Variants in KAZN observed in about 807,000 individuals in gnomAD.
KAZN encodes the protein kazrin.
KAZN carries 40 observed loss-of-function variants against 87.4 expected under a neutral mutation model. The ratio of observed to expected loss-of-function variants is 0.46; its 90% CI spans 0.36 to 0.60. The LOEUF is 0.60. KAZN is among the 20% of genes least tolerant of loss of function. KAZN has a pLI of 0.00. For missense variants in KAZN, 898 were observed against 1,073.9 expected (o/e 0.84, Z 2.29); for synonymous variants, 466 against 458.3 (o/e 1.02, Z -0.22).
chr1:14,009,158 C>T (rs1640169007), intron 1 of KAZN, among the ~76,000 whole-genome samples: 1 of 152,222 alleles, frequency 6.6e-6, no homozygotes, highest in Non-Finnish European at 1.5e-5. Context: ...CTTTCTAAGG[C>T]TGAATAATAT....
At chr1:14,679,581 G>T (rs1345849898) in intron 1 of KAZN, among the ~76,000 whole-genome samples, 1 of 152,112 alleles carries the variant, frequency 6.6e-6, no homozygotes, top group Admixed American at 6.6e-5. Context: ...GGTCTGAAAG[G>T]CACCAAGATG....
chr1:14,754,487 G>C (rs1291125089), intron 1 of KAZN, among the ~76,000 whole-genome samples: 1 of 152,070 alleles, frequency 6.6e-6, no homozygotes, highest in East Asian at 1.9e-4. Flanking sequence ...ACAAAAATTA[G>C]CCAGGCATGG....
chr1:14,125,915 G>A (rs1644854622), intron 1 of KAZN, among the ~76,000 whole-genome samples: 1 of 142,496 alleles, frequency 7.0e-6, no homozygotes, highest in African/African-American at 2.6e-5. Flanking sequence ...GGGAAGGCAG[G>A]TGTAACTGCA....
At chr1:14,463,018 CA>C (rs1667937056) in intron 2 of KAZN, among the ~76,000 whole-genome samples, 1 of 152,148 alleles carries the variant, frequency 6.6e-6, no homozygotes, top group South Asian at 2.1e-4. Flanking sequence ...AACTCATAGG[CA>C]GTGGGCCCAG....
At chr1:14,466,814 A>G (rs1291851762) in intron 2 of KAZN, among the ~76,000 whole-genome samples, 1 of 131,532 alleles carries the variant, frequency 7.6e-6, no homozygotes, top group Non-Finnish European at 1.7e-5. Context: ...TAAAAATACA[A>G]AAAAATTAGC....
intron 1 of KAZN, among the ~76,000 whole-genome samples, chr1:14,060,994 G>C (rs766919129): frequency 1.3e-5 from 2 of 152,214 alleles, no homozygotes; most frequent in Admixed American, 6.5e-5. Flanking sequence ...CACCAGCAGC[G>C]TGGCCTTTGA....
At chr1:14,099,112 G>T (rs1004419429) in intron 1 of KAZN, among the ~76,000 whole-genome samples, 6 of 152,114 alleles carry the variant, frequency 3.9e-5, no homozygotes, top group African/African-American at 1.4e-4. Context: ...TGCCAGGAAA[G>T]GTGGCATGAA....
chr1:14,976,111 C>T lies in KAZN; in HGVS notation c.418+15236C>T, dbSNP rs150069635. ...GCGGTGAGCCCGCACACTGCACAGC[C>T]GCACACTGCGAGCCTGTTGCTGTTG... On this transcript the variant is annotated intron_variant, in intron 2 of 14. Coordinates refer to ENST00000376030, the MANE Select transcript of KAZN (RefSeq NM_201628.3). Among the ~76,000 whole-genome samples the T allele has an allele frequency of 3.1e-3, 474 of 151,076 alleles. 1 individual carries two copies. The highest frequency in any genetic ancestry group is 0.011 in the African/African-American group (443 of 40,954).
chr1:14,718,547 G>A (rs1642926783), intron 1 of KAZN, among the ~76,000 whole-genome samples: 1 of 152,230 alleles, frequency 6.6e-6, no homozygotes, highest in African/African-American at 2.4e-5. Context: ...TCTGAATTAT[G>A]TGTGATTCTC....
chr1:14,886,459 CACACAG>C (rs1557589663), intron 1 of KAZN, among the ~76,000 whole-genome samples: 4 of 151,158 alleles, frequency 2.6e-5, no homozygotes, highest in African/African-American at 7.4e-5. Flanking sequence ...CACACACACA[CACACAG>C]AGAGAGACAG....
chr1:14,347,726 T>G (rs1658209496), intron 2 of KAZN, among the ~76,000 whole-genome samples: 1 of 152,078 alleles, frequency 6.6e-6, no homozygotes, highest in African/African-American at 2.4e-5. Flanking sequence ...ATACCTAGAC[T>G]ATGTAAAGGG....
At chr1:14,847,304 A>G (rs1051227749) in intron 1 of KAZN, among the ~76,000 whole-genome samples, 5 of 152,330 alleles carry the variant, frequency 3.3e-5, no homozygotes, top group Admixed American at 3.3e-4. Context: ...CCACAAGCTC[A>G]GGGGCGACAG....
chr1:14,435,146 G>A (rs764526761), intron 2 of KAZN, among the ~76,000 whole-genome samples: 11 of 152,226 alleles, frequency 7.2e-5, no homozygotes, highest in East Asian at 5.8e-4. Context: ...CTCCAGCATC[G>A]GTGGCGCTCG....
chr1:14,277,419 A>G (rs1248279680), intron 2 of KAZN, among the ~76,000 whole-genome samples: 1 of 152,184 alleles, frequency 6.6e-6, no homozygotes, highest in Non-Finnish European at 1.5e-5. Context: ...TAATCCCAGC[A>G]CTTTGGGAGG....
intron 2 of KAZN, among the ~76,000 whole-genome samples, chr1:14,310,619 A>G (rs893865955): frequency 6.6e-6 from 1 of 152,170 alleles, no homozygotes; most frequent in African/African-American, 2.4e-5. Flanking sequence ...TCAAATTGCA[A>G]TCTCCAACTT....
chr1:15,065,551 C>A, intron 7 of KAZN, 79 bp from the exon 8 acceptor site: 2 of 1,251,552 alleles, frequency 1.6e-6, no homozygotes, highest in Non-Finnish European at 2.3e-6. Flanking sequence ...CGGATCCCAT[C>A]CACTGCAGTC....
At chr1:13,959,862 C>T (rs966422690) in intron 1 of KAZN, among the ~76,000 whole-genome samples, 13 of 152,150 alleles carry the variant, frequency 8.5e-5, no homozygotes, top group African/African-American at 1.4e-4. Flanking sequence ...CAACACCCTC[C>T]GTGGCTTATA....
intron 2 of KAZN, among the ~76,000 whole-genome samples, chr1:14,436,864 T>C (rs1296358767): frequency 1.3e-5 from 2 of 152,172 alleles, no homozygotes; most frequent in Admixed American, 6.5e-5. Context: ...CAAAGAGGAT[T>C]TCACTCAGGT....
At position 15,065,027 on chromosome 1, in the gene KAZN, C is replaced by CTTTTTTTTTTTTT. The variant is rs780410306; in HGVS notation, c.1099-593_1099-581dup. Among the ~76,000 whole-genome samples the CTTTTTTTTTTTTT allele has an allele frequency of 9.7e-5, 10 of 102,738 alleles. 1 individual carries two copies. Among genetic ancestry groups the CTTTTTTTTTTTTT allele is most frequent in the East Asian group, 8.5e-4 (3 of 3,510 alleles). The allele number at this position is 102,738 out of a possible 152,430, so 67.4% of individuals were successfully genotyped here. ...CACCGTCCTTGGGGTCTTTTTCTTT[C>CTTTTTTTTTTTTT]TTTTTTTTTTTTTTTTTTTTTTGAG... On this transcript the variant is annotated intron_variant, in intron 7 of 14. Transcript: ENST00000376030.
Sources: gnomAD v4.1 joint callset for allele counts (sites outside exome capture counted in the v4.1 genomes callset) on GRCh38, gnomAD v4.1.1 for gene constraint, MANE v1.5 for transcripts, NCBI Gene and HGNC (gene_info 2026-07-23, HGNC 2026-07-21) for gene names.